Variants in TWSG1 observed in about 807,000 individuals in gnomAD.
TWSG1 encodes the protein twisted gastrulation protein homolog 1.
In TWSG1, 15 loss-of-function variants were observed where a neutral mutation model predicts 23.0. The ratio of observed to expected loss-of-function variants is 0.65; its 90% confidence interval spans 0.44 to 1.00. The LOEUF (loss-of-function observed/expected upper bound fraction) is 1.00. Ranked by LOEUF, TWSG1 falls within the 50% of genes least tolerant of loss-of-function variation. TWSG1 has a pLI of 0.00. For missense variants in TWSG1, 242 were observed against 278.7 expected, an observed-to-expected ratio of 0.87 and a Z score of 0.94; for synonymous variants, 86 against 92.8, an observed-to-expected ratio of 0.93 and a Z score of 0.42.
At chr18:9,368,798 A>T (rs1340167809) in intron 3 of TWSG1, among the ~76,000 whole-genome samples, 3 of 151,916 alleles carry the variant, frequency 2.0e-5, no homozygotes, top group Non-Finnish European at 4.4e-5. Flanking sequence ...AAATACAAAA[A>T]TTAGCTGGGC....
At chr18:9,343,043 T>G (rs1485144179) in intron 2 of TWSG1, among the ~76,000 whole-genome samples, 2 of 151,996 alleles carry the variant, frequency 1.3e-5, no homozygotes, top group Non-Finnish European at 2.9e-5. Flanking sequence ...GGTAACTTTG[T>G]TATTCTCTCT....
chr18:9,361,863 C>G (rs142404783), intron 3 of TWSG1, among the ~76,000 whole-genome samples: 42 of 152,340 alleles, frequency 2.8e-4, no homozygotes, highest in African/African-American at 9.9e-4. Flanking sequence ...TATAACTACC[C>G]CACAGAATAG....
chr18:9,381,673 T>C (rs184791726), intron 3 of TWSG1, among the ~76,000 whole-genome samples: 372 of 152,280 alleles, frequency 2.4e-3, no homozygotes, highest in African/African-American at 8.2e-3. Context: ...ACATAGTAAA[T>C]TCAAGCAATG....
At chr18:9,382,996 T>C (rs2040665093) in intron 3 of TWSG1, among the ~76,000 whole-genome samples, 1 of 151,968 alleles carries the variant, frequency 6.6e-6, no homozygotes, top group Admixed American at 6.6e-5. Context: ...TGACTAAATA[T>C]ACAAGTTTGA....
chr18:9,385,939 C>T (rs1313007183), intron 3 of TWSG1, among the ~76,000 whole-genome samples: 3 of 151,608 alleles, frequency 2.0e-5, no homozygotes, highest in African/African-American at 7.3e-5. Context: ...GAGGCCAAGG[C>T]GGATGGATCA....
intron 3 of TWSG1, among the ~76,000 whole-genome samples, chr18:9,390,981 T>C (rs781206016): frequency 3.9e-5 from 6 of 152,168 alleles, no homozygotes; most frequent in Non-Finnish European, 7.3e-5. Flanking sequence ...GCCACTACAC[T>C]CCAGCTTGGG....
At chr18:9,348,813 G>A (rs1047502290) in intron 2 of TWSG1, among the ~76,000 whole-genome samples, 37 of 152,180 alleles carry the variant, frequency 2.4e-4, no homozygotes, top group African/African-American at 8.0e-4. Context: ...TGTTAAATTG[G>A]TTTAGTTTGA....
intron 1 of TWSG1, among the ~76,000 whole-genome samples, chr18:9,335,225 C>G (rs1382484352): frequency 6.6e-6 from 1 of 152,138 alleles, no homozygotes; most frequent in East Asian, 1.9e-4. Flanking sequence ...CCCGGTCCCC[C>G]ACACCGCTAC....
intron 3 of TWSG1, among the ~76,000 whole-genome samples, chr18:9,384,083 T>G (rs1280800622): frequency 6.6e-6 from 1 of 152,142 alleles, no homozygotes; most frequent in Non-Finnish European, 1.5e-5. Context: ...TAATGGGGGC[T>G]TGGTCTAGGA....
chr18:9,360,895 A>C (rs969305345), intron 3 of TWSG1, among the ~76,000 whole-genome samples: 1 of 152,192 alleles, frequency 6.6e-6, no homozygotes, highest in African/African-American at 2.4e-5. Context: ...CTGAATAATA[A>C]CCCTATACTA....
rs77571362 is a variant in TWSG1 at position 9,338,338 on chromosome 18, T to G, written c.123+986T>G. Among the ~76,000 whole-genome samples the G allele has an allele frequency of 6.0e-4, 92 of 152,338 alleles. No individual in the cohort carries two copies. The East Asian group carries it at 0.016, about 26-fold the overall frequency. Reference sequence around the variant, plus strand: ...AAACCAAAACATTTAACTAGAGAAGTGTGTTTGCTGTTCAGTTTTTAACTT... The same window carrying G: ...AAACCAAAACATTTAACTAGAGAAGGGTGTTTGCTGTTCAGTTTTTAACTT... On this transcript the variant is annotated intron_variant, in intron 2 of 4. Transcript: ENST00000262120.
At chr18:9,347,944 C>T (rs755237703) in intron 2 of TWSG1, among the ~76,000 whole-genome samples, 3 of 151,974 alleles carry the variant, frequency 2.0e-5, no homozygotes, top group African/African-American at 7.3e-5. Context: ...TTATCTCTTT[C>T]GAGATCTTTT....
intron 3 of TWSG1, among the ~76,000 whole-genome samples, chr18:9,387,610 C>CA (rs11443705): frequency 0.5 from 75,018 of 149,388 alleles, 19,161 homozygotes; most frequent in African/African-American, 0.61. Flanking sequence ...ACTAAAAATA[C>CA]AAAAAAAAAA....
intron 2 of TWSG1, among the ~76,000 whole-genome samples, chr18:9,344,143 C>T (rs776329182): frequency 1.1e-4 from 16 of 152,254 alleles, no homozygotes; most frequent in Middle Eastern, 3.4e-3. Context: ...TGTCCTCAAA[C>T]GATCCTCCTG....
intron 3 of TWSG1, among the ~76,000 whole-genome samples, chr18:9,374,179 A>T (rs1487881283): frequency 6.6e-6 from 1 of 152,188 alleles, no homozygotes; most frequent in Non-Finnish European, 1.5e-5. Context: ...AGAAGAAAAG[A>T]AGTAATACAA....
chr18:9,370,431 G>A (rs910507248), intron 3 of TWSG1, among the ~76,000 whole-genome samples: 3 of 151,928 alleles, frequency 2.0e-5, no homozygotes, highest in African/African-American at 4.8e-5. Flanking sequence ...TTCAACCATC[G>A]TCAGTGTTGA....
chr18:9,345,546 C>G (rs553861289), intron 2 of TWSG1, among the ~76,000 whole-genome samples: 6 of 152,172 alleles, frequency 3.9e-5, no homozygotes, highest in Admixed American at 2.0e-4. Flanking sequence ...TATTGCCACC[C>G]TTGTTCAAAA....
chr18:9,390,405 C>T (rs1404250500), intron 3 of TWSG1, among the ~76,000 whole-genome samples: 1 of 152,112 alleles, frequency 6.6e-6, no homozygotes, highest in Non-Finnish European at 1.5e-5. Flanking sequence ...TCATGATCCG[C>T]CCCCCTCGGC....
At position 9,363,918 on chromosome 18, in the gene TWSG1, G is replaced by A. The variant is rs149472167; in HGVS notation, c.223+3847G>A. Among the ~76,000 whole-genome samples the A allele has an allele frequency of 2.5e-3, 377 of 152,130 alleles. 2 individuals are homozygous for A. Among genetic ancestry groups the A allele is most frequent in the Non-Finnish European group, 4.3e-3 (294 of 67,972 alleles). The stretch of plus-strand genomic sequence containing the variant: ...GCTGGGATTACACATGTGAGCCACC[G>A]CACCCGGCCATTTAACAGTACTTCT... On this transcript the variant is annotated intron_variant, in intron 3 of 4. Coordinates refer to ENST00000262120, the MANE Select transcript of TWSG1 (RefSeq NM_020648.6).
Sources: gnomAD v4.1 joint callset for allele counts (sites outside exome capture counted in the v4.1 genomes callset) on GRCh38, gnomAD v4.1.1 for gene constraint, MANE v1.5 for transcripts, NCBI Gene and HGNC (gene_info 2026-07-23, HGNC 2026-07-21) for gene names.